ADGRL2: variants seen among roughly 807,000 people sequenced by gnomAD.
ADGRL2 encodes adhesion G protein-coupled receptor L2.
A neutral mutation model predicts 157.4 loss-of-function variants in ADGRL2; 44 were observed. That is an observed-to-expected ratio of 0.28 (90% CI 0.22 to 0.36). The LOEUF (loss-of-function observed/expected upper bound fraction) is 0.36, where lower values mean the gene tolerates loss of function less well. ADGRL2 is among the 10% of genes least tolerant of loss of function. The probability of loss-of-function intolerance (pLI) is 1.00; values close to 1 mark genes in which losing one functional copy is unlikely to be tolerated. For missense variants in ADGRL2, 1,510 were observed against 1,768.9 expected, an observed-to-expected ratio of 0.85 and a Z score of 2.63; for synonymous variants, 585 against 624.7, an observed-to-expected ratio of 0.94 and a Z score of 0.95.
chr1:81,421,729 G>C (rs1361385718), intron 1 of ADGRL2, among the ~76,000 whole-genome samples: 3 of 150,638 alleles, frequency 2.0e-5, no homozygotes, highest in African/African-American at 7.3e-5. Flanking sequence ...AGAATATATA[G>C]CCTTGTGATA....
intron 3 of ADGRL2, among the ~76,000 whole-genome samples, chr1:81,653,438 TGTACACCATC>T (rs2082464118): frequency 6.6e-6 from 1 of 151,852 alleles, no homozygotes; most frequent in Admixed American, 6.6e-5. Context: ...TTTCCTCCTG[TGTACACCATC>T]AAGAGATCCT....
At chr1:81,350,742 G>A (rs1196544974) in intron 1 of ADGRL2, among the ~76,000 whole-genome samples, 1 of 152,078 alleles carries the variant, frequency 6.6e-6, no homozygotes, top group Non-Finnish European at 1.5e-5. Context: ...ACATTTTTTG[G>A]TTTTTTACAT....
At chr1:81,737,798 A>G (rs1049025111) in intron 1 of ADGRL2, among the ~76,000 whole-genome samples, 2 of 152,236 alleles carry the variant, frequency 1.3e-5, no homozygotes, top group African/African-American at 2.4e-5. Context: ...CATCCTGGCA[A>G]GTAGAACCTT....
At chr1:81,754,507 T>C (rs2085606683) in intron 1 of ADGRL2, among the ~76,000 whole-genome samples, 1 of 130,342 alleles carries the variant, frequency 7.7e-6, no homozygotes, top group Non-Finnish European at 1.6e-5. Context: ...TTCCTTCCTC[T>C]TTCTTTCTTC....
intron 23 of ADGRL2, among the ~76,000 whole-genome samples, chr1:81,989,330 A>G (rs1178026686): frequency 2.0e-5 from 3 of 152,106 alleles, no homozygotes; most frequent in South Asian, 4.1e-4. Flanking sequence ...AGAAATCTCT[A>G]ACATTTCTGC....
At chr1:81,442,329 T>C (rs2077522573) in intron 1 of ADGRL2, among the ~76,000 whole-genome samples, 1 of 152,242 alleles carries the variant, frequency 6.6e-6, no homozygotes. Context: ...TAATTCTTCC[T>C]ACAAAGATGA....
At chr1:81,647,804 T>C (rs2082342858) in intron 3 of ADGRL2, among the ~76,000 whole-genome samples, 1 of 152,232 alleles carries the variant, frequency 6.6e-6, no homozygotes, top group Admixed American at 6.5e-5. Context: ...AAGTTGCTAT[T>C]CCATGCAGTT....
At chr1:81,662,749 G>A (rs999880957) in intron 3 of ADGRL2, among the ~76,000 whole-genome samples, 1 of 150,582 alleles carries the variant, frequency 6.6e-6, no homozygotes, top group Non-Finnish European at 1.5e-5. Flanking sequence ...TAGAGACGGG[G>A]TTTCACCATC....
At chr1:81,524,127 G>A (rs916740753) in intron 2 of ADGRL2, among the ~76,000 whole-genome samples, 4 of 152,190 alleles carry the variant, frequency 2.6e-5, no homozygotes, top group East Asian at 1.9e-4. Context: ...TTGGGAGGCC[G>A]AGGCGGTTGG....
chr1:81,748,530 C>A (rs2085385482), intron 1 of ADGRL2, among the ~76,000 whole-genome samples: 1 of 149,854 alleles, frequency 6.7e-6, no homozygotes, highest in Admixed American at 6.7e-5. Context: ...GAGTTTTGAC[C>A]ATATCTGCAA....
chr1:81,792,353 C>T (rs1432020856), intron 2 of ADGRL2, among the ~76,000 whole-genome samples: 1 of 152,146 alleles, frequency 6.6e-6, no homozygotes, highest in Non-Finnish European at 1.5e-5. Flanking sequence ...GCAGCAACAC[C>T]AAGTCACACT....
chr1:81,981,885 A>G lies in ADGRL2; in HGVS notation c.3191A>G (p.Glu1064Gly), dbSNP rs771971493. Residue 1064 changes from glutamate (E) to glycine (G), a missense_variant, in exon 19 of 24, where the codon GAG becomes GGG. Transcript: ENST00000686636. ...TWSFGLLFIN[E>G]ETIVMAYLFT... ...TCCTTTGGGTTGCTTTTTATTAATG[A>G]GGAGACTATTGTGATGGCATATCTC... The G allele has an allele frequency of 2.5e-6, 4 of 1,612,316 alleles. No homozygotes were observed. In the African/African-American group the frequency reaches 5.4e-5, roughly 22 times the overall value.
At chr1:81,985,079 AG>A (rs1662768879) in intron 20 of ADGRL2, among the ~76,000 whole-genome samples, 179 bp from the exon 21 acceptor site, 1 of 152,094 alleles carries the variant, frequency 6.6e-6, no homozygotes, top group African/African-American at 2.4e-5. Flanking sequence ...AATGCCCCTT[AG>A]TTGCTTAGTA....
chr1:81,311,967 A>G (rs1317316611), intron 1 of ADGRL2, among the ~76,000 whole-genome samples: 1 of 152,098 alleles, frequency 6.6e-6, no homozygotes, highest in South Asian at 2.1e-4. Flanking sequence ...AACAATTCAG[A>G]CTTTGGCATT....
intron 3 of ADGRL2, among the ~76,000 whole-genome samples, chr1:81,612,320 A>G (rs887608120): frequency 1.3e-5 from 2 of 152,176 alleles, no homozygotes; most frequent in African/African-American, 4.8e-5. Flanking sequence ...ATCTGGATCA[A>G]CATGCCTTCC....
chr1:81,360,662 A>G (rs2075961987), intron 1 of ADGRL2, among the ~76,000 whole-genome samples: 1 of 151,898 alleles, frequency 6.6e-6, no homozygotes, highest in South Asian at 2.1e-4. Flanking sequence ...CTTTTCTCAT[A>G]TCTGTATTTC....
At chr1:81,479,131 C>T (rs1364519147) in intron 2 of ADGRL2, among the ~76,000 whole-genome samples, 1 of 151,498 alleles carries the variant, frequency 6.6e-6, no homozygotes, top group Non-Finnish European at 1.5e-5. Flanking sequence ...GGTTTTTGTC[C>T]CCAAGATTGG....
At chr1:81,915,489 G>A (rs1314989843) in intron 3 of ADGRL2, among the ~76,000 whole-genome samples, 1 of 152,020 alleles carries the variant, frequency 6.6e-6, no homozygotes, top group Non-Finnish European at 1.5e-5. Flanking sequence ...ATTAATTTAG[G>A]GGGTTTTTAC....
chr1:81,839,088 A>G (rs2092425327), intron 2 of ADGRL2, among the ~76,000 whole-genome samples: 1 of 152,220 alleles, frequency 6.6e-6, no homozygotes, highest in Admixed American at 6.6e-5. Flanking sequence ...GAGAAAGCCA[A>G]TCAACATTAG....
Sources: allele counts gnomAD v4.1 joint callset (sites outside exome capture counted in the v4.1 genomes callset), GRCh38; gene constraint gnomAD v4.1.1; transcripts MANE v1.5; gene names NCBI Gene and HGNC (gene_info 2026-07-23, HGNC 2026-07-21).